The following CASQ2 variants were observed in gnomAD, a reference collection of about 807,000 sequenced individuals.
CASQ2 encodes calsequestrin 2.
Under a neutral mutation model 46.5 loss-of-function variants are expected in CASQ2, and 49 were observed. The observed-to-expected ratio is 1.05, with a 90% CI of 0.84 to 1.34. CASQ2 has a LOEUF of 1.34. CASQ2 is among the 40% of genes most tolerant of loss of function. The probability of loss-of-function intolerance (pLI) is 0.00; values close to 1 mark genes in which losing one functional copy is unlikely to be tolerated. For synonymous variants in CASQ2, 174 were observed against 168.5 expected (o/e 1.03, Z -0.25); for missense variants, 486 against 481.3 (o/e 1.01, Z -0.09).
chr1:115,728,366 T>C (rs1384315748), intron 5 of CASQ2, among the ~76,000 whole-genome samples: 4 of 152,196 alleles, frequency 2.6e-5, no homozygotes, highest in African/African-American at 9.7e-5. Flanking sequence ...ACAGGCCATG[T>C]TGACAGCTAT....
chr1:115,766,785 G>T (rs1457633333), intron 1 of CASQ2, among the ~76,000 whole-genome samples: 1 of 152,032 alleles, frequency 6.6e-6, no homozygotes, highest in East Asian at 1.9e-4. Context: ...GGTGTCTGGA[G>T]GGATGGTAAG....
intron 8 of CASQ2, among the ~76,000 whole-genome samples, chr1:115,714,129 G>T (rs1422252085): frequency 6.6e-6 from 1 of 152,178 alleles, no homozygotes; most frequent in East Asian, 1.9e-4. Flanking sequence ...GACATCCTCA[G>T]CGTCATTCCA....
chr1:115,740,581 T>C, intron 3 of CASQ2, 147 bp downstream of exon 3: 1 of 666,308 alleles, frequency 1.5e-6, no homozygotes, highest in Non-Finnish European at 2.7e-6. Context: ...TGCAATAATA[T>C]AGGTGCTCCT....
At chr1:115,725,591 C>T (rs1459200726) in intron 6 of CASQ2, 38 bp from the exon 7 acceptor site, 3 of 1,575,016 alleles carry the variant, frequency 1.9e-6, no homozygotes, top group South Asian at 1.1e-5. Flanking sequence ...GAAAGAGCTT[C>T]CTTGAGTAGG....
chr1:115,725,303 A>G (rs767020442), intron 7 of CASQ2, among the ~76,000 whole-genome samples: 1 of 152,084 alleles, frequency 6.6e-6, no homozygotes, highest in Non-Finnish European at 1.5e-5. Flanking sequence ...CCTGAACTCA[A>G]GTGATCCCTG....
At chr1:115,735,093 A>C (rs1452116782) in intron 4 of CASQ2, among the ~76,000 whole-genome samples, 3 of 152,220 alleles carry the variant, frequency 2.0e-5, no homozygotes, top group African/African-American at 4.8e-5. Context: ...AGAAAGTGTA[A>C]AGGCTTTACA....
chr1:115,728,832 C>G (rs1647683620), intron 5 of CASQ2, among the ~76,000 whole-genome samples: 1 of 152,092 alleles, frequency 6.6e-6, no homozygotes, highest in Non-Finnish European at 1.5e-5. Context: ...TCAAACCCGC[C>G]TGGTGGTGGT....
intron 1 of CASQ2, among the ~76,000 whole-genome samples, chr1:115,762,285 T>C (rs115012886): frequency 0.016 from 2,498 of 152,306 alleles, 56 homozygotes; most frequent in African/African-American, 0.056. Context: ...TCCTTATCCA[T>C]ACATTCAATG....
intron 4 of CASQ2, among the ~76,000 whole-genome samples, chr1:115,734,707 C>T (rs1429147757): frequency 6.6e-6 from 1 of 152,108 alleles, no homozygotes; most frequent in East Asian, 1.9e-4. Context: ...GAGTTCCCAG[C>T]CTCCAGCTTA....
At chr1:115,753,750 G>C (rs556081758) in intron 1 of CASQ2, among the ~76,000 whole-genome samples, 1 of 152,256 alleles carries the variant, frequency 6.6e-6, no homozygotes. Flanking sequence ...CATTTCCCAA[G>C]AACTGTCTTT....
At chr1:115,748,090 A>T (rs535626566) in intron 1 of CASQ2, among the ~76,000 whole-genome samples, 2 of 151,936 alleles carry the variant, frequency 1.3e-5, no homozygotes, top group South Asian at 4.2e-4. Flanking sequence ...TGCTTTTTGT[A>T]CTTTTCAGTT....
intron 5 of CASQ2, among the ~76,000 whole-genome samples, chr1:115,730,795 T>C (rs1473248298): frequency 6.6e-6 from 1 of 152,198 alleles, no homozygotes; most frequent in Non-Finnish European, 1.5e-5. Flanking sequence ...GCATTAGTGC[T>C]TTCTTGTCCC....
rs1654192735 is a variant in CASQ2 at position 115,701,250 on chromosome 1, A to G, written c.1191T>C (p.Asp397=). 1 of 1,611,796 alleles carries G rather than the reference A, an allele frequency of 6.2e-7. No homozygotes were observed. Among genetic ancestry groups the G allele is most frequent in the Non-Finnish European group, 8.5e-7 (1 of 1,177,996 alleles). The change falls in exon 11 of 11, where the codon GAT becomes GAC. Residue 397 remains aspartate, a synonymous_variant. Coordinates refer to ENST00000261448, the MANE Select transcript of CASQ2 (RefSeq NM_001232.4). ...EEDNDDSDDD[D]DE is the part of the protein sequence containing the mutation. ...ATTGTTTGGAGTTGGGCTATTCATC[A>G]TCATCGTCATCACTGTCATCATTAT...
At chr1:115,707,927 A>G (rs1222567850) in intron 8 of CASQ2, among the ~76,000 whole-genome samples, 1 of 152,236 alleles carries the variant, frequency 6.6e-6, no homozygotes, top group African/African-American at 2.4e-5. Flanking sequence ...AGGAGAGTCT[A>G]GGCAGGCACA....
intron 7 of CASQ2, among the ~76,000 whole-genome samples, chr1:115,724,287 A>G (rs1229670711): frequency 6.6e-6 from 1 of 152,164 alleles, no homozygotes; most frequent in Non-Finnish European, 1.5e-5. Flanking sequence ...AAACGGGGCT[A>G]AAATAGTATT....
At chr1:115,708,269 C>T (rs1233960392) in intron 8 of CASQ2, among the ~76,000 whole-genome samples, 1 of 152,052 alleles carries the variant, frequency 6.6e-6, no homozygotes, top group Non-Finnish European at 1.5e-5. Context: ...GCAAAGAAAT[C>T]CCAAAAACCA....
At chr1:115,716,581 G>A (rs954960014) in intron 8 of CASQ2, among the ~76,000 whole-genome samples, 3 of 152,226 alleles carry the variant, frequency 2.0e-5, no homozygotes, top group African/African-American at 4.8e-5. Context: ...TGTAAAGCTG[G>A]TATGTTTTAA....
intron 5 of CASQ2, among the ~76,000 whole-genome samples, chr1:115,731,601 C>A (rs547327645): frequency 1.3e-4 from 20 of 152,220 alleles, no homozygotes; most frequent in Non-Finnish European, 1.6e-4. Context: ...TGCCAAAAAC[C>A]AGCTAGGCAG....
At chr1:115,705,071 G>T in intron 9 of CASQ2, 121 bp downstream of exon 9, 1 of 767,196 alleles carries the variant, frequency 1.3e-6, no homozygotes, top group Non-Finnish European at 2.4e-6. Flanking sequence ...CTCCCACACT[G>T]GGTGAGGACC....
Sources: allele counts gnomAD v4.1 joint callset (sites outside exome capture counted in the v4.1 genomes callset), GRCh38; gene constraint gnomAD v4.1.1; transcripts MANE v1.5; gene names NCBI Gene and HGNC (gene_info 2026-07-23, HGNC 2026-07-21).